Variants in OLAH observed in about 807,000 individuals in gnomAD.
The protein encoded by OLAH is S-acyl fatty acid synthase thioesterase, medium chain.
In OLAH, 33 loss-of-function variants were observed where a neutral mutation model predicts 27.8. The ratio of observed to expected loss-of-function variants is 1.19; its 90% CI spans 0.90 to 1.59. The LOEUF (loss-of-function observed/expected upper bound fraction) is 1.59. Ranked by LOEUF, OLAH falls within the 40% of genes most tolerant of loss-of-function variation. OLAH has a pLI of 0.00. For missense variants in OLAH, 359 were observed against 310.8 expected (o/e 1.16, Z -1.17); for synonymous variants, 120 against 102.9 (o/e 1.17, Z -1.01).
chr10:15,069,295 G>C (rs78441206), intron 6 of OLAH, among the ~76,000 whole-genome samples: 2,537 of 152,244 alleles, frequency 0.017, 66 homozygotes, highest in African/African-American at 0.058. Context: ...TTTTGGTGTA[G>C]AATTGTTTCT....
chr10:15,062,072 C>G, intron 4 of OLAH: 1 of 449,240 alleles, frequency 2.2e-6, no homozygotes, highest in Non-Finnish European at 3.9e-6. Context: ...AAAGTCAACA[C>G]TTGTAAAACC....
chr10:15,072,989 C>T lies in OLAH; in HGVS notation c.656-98C>T, dbSNP rs759438056. 200 of 1,136,614 alleles carry T rather than the reference C, an allele frequency of 1.8e-4. 1 individual carries two copies. Among genetic ancestry groups the T allele is most frequent in the Admixed American group, 3.4e-4 (16 of 47,326 alleles). The allele number at this position is 1,136,614 out of a possible 1,614,324, so 70.4% of individuals were successfully genotyped here. A position where few individuals can be genotyped will look rare whatever the true frequency, so the allele number is the denominator to read the frequency against. On this transcript the variant is annotated intron_variant, in intron 7 of 7. Transcript: ENST00000378228. ...TAGAACATAAGGCCTTGAAAGTAAC[C>T]GTACTTCAGGGTGTCAGCTCTTAAA...
At chr10:15,045,872 A>C (rs1844007302) in intron 1 of OLAH, among the ~76,000 whole-genome samples, 1 of 151,964 alleles carries the variant, frequency 6.6e-6, no homozygotes, top group Non-Finnish European at 1.5e-5. Flanking sequence ...CTCTACTAAA[A>C]ATACAAAAAT....
At chr10:15,070,626 G>T (rs1188306834) in intron 6 of OLAH, among the ~76,000 whole-genome samples, 1 of 151,852 alleles carries the variant, frequency 6.6e-6, no homozygotes, top group Non-Finnish European at 1.5e-5. Flanking sequence ...CTCATTACGG[G>T]CATGCACCAC....
upstream of OLAH, among the ~76,000 whole-genome samples, chr10:15,039,960 G>T (rs868426925): frequency 1.3e-5 from 2 of 152,184 alleles, no homozygotes; most frequent in African/African-American, 4.8e-5. Context: ...GAACCTCACA[G>T]TTCCCACAAA....
chr10:15,056,922 A>C, intron 3 of OLAH: 1 of 1,518,868 alleles, frequency 6.6e-7, no homozygotes. Context: ...GAGCCACCGT[A>C]GGCGTGAGCC....
chr10:15,051,436 C>T (rs1237175714), intron 3 of OLAH, among the ~76,000 whole-genome samples: 1 of 152,220 alleles, frequency 6.6e-6, no homozygotes, highest in Non-Finnish European at 1.5e-5. Flanking sequence ...AGGGATTAGC[C>T]ATCTGATCTA....
intron 1 of OLAH, among the ~76,000 whole-genome samples, chr10:15,032,908 T>C (rs983179022): frequency 2.6e-5 from 4 of 152,122 alleles, no homozygotes; most frequent in Non-Finnish European, 4.4e-5. Context: ...AGTCTTACTT[T>C]GTAGCCCAGG....
intron 1 of OLAH, among the ~76,000 whole-genome samples, chr10:15,032,545 C>T (rs1392361621): frequency 4.0e-5 from 6 of 148,950 alleles, no homozygotes; most frequent in Admixed American, 1.4e-4. Context: ...CACTTGAACC[C>T]GGGAGGCAAA....
At position 15,073,430 on chromosome 10, in the gene OLAH, G is replaced by A; in HGVS notation, c.*201G>A. ...TCTGGCAGCACTTTGGGAGGCCAAGGCGGGCGGATCACGAGGTCAGGAGAT... is the reference window on the plus strand; with the variant it reads ...TCTGGCAGCACTTTGGGAGGCCAAGACGGGCGGATCACGAGGTCAGGAGAT... On this transcript the variant is annotated 3_prime_UTR_variant, in exon 8 of 8. Transcript: ENST00000378228. 4.3e-6 allele frequency: 2 copies of A among 461,764 alleles called. No homozygotes were observed. The highest frequency in any genetic ancestry group is 7.6e-6 in the Non-Finnish European group (2 of 261,572). 28.6% of individuals were successfully genotyped at this position (461,764 alleles called of 1,614,324 possible).
At position 15,064,264 on chromosome 10, in the gene OLAH, C is replaced by G. The variant is rs964230546; in HGVS notation, c.303-139C>G. On this transcript the variant is annotated intron_variant, in intron 4 of 7. Coordinates refer to ENST00000378228, the MANE Select transcript of OLAH (RefSeq NM_001039702.3). Reference sequence around the variant, plus strand: ...TGATTTAAATCACTGAAAAGATAGACTTCTTAATCAACTCACACTTTCCTT... The same window carrying G: ...TGATTTAAATCACTGAAAAGATAGAGTTCTTAATCAACTCACACTTTCCTT... 37 of 610,304 alleles carry G rather than the reference C, an allele frequency of 6.1e-5. No homozygotes were observed. In the Admixed American group the frequency reaches 1.1e-3, roughly 18 times the overall value. 37.8% of individuals were successfully genotyped at this position (610,304 alleles called of 1,614,324 possible). A position where few individuals can be genotyped will look rare whatever the true frequency, so the allele number is the denominator to read the frequency against.
chr10:15,071,935 AT>A (rs945332098), intron 7 of OLAH, 58 bp downstream of exon 7: 20,135 of 1,083,482 alleles, frequency 0.019, 2 homozygotes, highest in East Asian at 0.024. Flanking sequence ...TGGCTTTAAA[AT>A]TTTTTTTTTT....
At chr10:15,069,838 C>G (rs937443920) in intron 6 of OLAH, among the ~76,000 whole-genome samples, 1 of 152,114 alleles carries the variant, frequency 6.6e-6, no homozygotes, top group Non-Finnish European at 1.5e-5. Flanking sequence ...TGCACTCAAG[C>G]CCGGGCAATA....
rs750274893 is a variant in OLAH, at chr10:15,073,188, A to G, written c.757A>G (p.Ile253Val). The G allele has an allele frequency of 6.2e-7, 1 of 1,608,578 alleles. No homozygotes were observed. Among genetic ancestry groups the G allele is most frequent in the Non-Finnish European group, 8.5e-7 (1 of 1,175,172 alleles). The change falls in exon 8 of 8, where the codon ATA (isoleucine) becomes GTA (valine). Residue 253 changes from isoleucine (I) to valine (V), a missense_variant. Transcript: ENST00000378228. ...PANEKLIKNYIIKCLEVSSIS... is the reference protein window; with the variant it reads ...PANEKLIKNYVIKCLEVSSIS... The stretch of plus-strand genomic sequence containing the variant: ...GAACGAGAAATTAATCAAGAACTAC[A>G]TAATCAAGTGTCTAGAAGTATCATC...
chr10:15,054,411 C>A (rs1844206273), intron 3 of OLAH, among the ~76,000 whole-genome samples: 1 of 152,138 alleles, frequency 6.6e-6, no homozygotes, highest in Non-Finnish European at 1.5e-5. Context: ...TGCCTTATGC[C>A]CCTTGGTCAA....
upstream of OLAH, among the ~76,000 whole-genome samples, chr10:15,041,675 A>ACACC (rs1843922759): frequency 6.6e-6 from 1 of 151,560 alleles, no homozygotes. Context: ...TCCTTGGTTC[A>ACACC]AGTGATTCTC....
At position 15,073,384 on chromosome 10, in the gene OLAH, G is replaced by T. The variant is rs1279194255; in HGVS notation, c.*155G>T. 1 of 600,858 alleles carries T rather than the reference G, an allele frequency of 1.7e-6. No individual in the cohort carries two copies. Among genetic ancestry groups the T allele is most frequent in the Non-Finnish European group, 2.8e-6 (1 of 356,040 alleles). The allele number at this position is 600,858 out of a possible 1,614,324, so 37.2% of individuals were successfully genotyped here. A position where few individuals can be genotyped will look rare whatever the true frequency, so the allele number is the denominator to read the frequency against. The stretch of plus-strand genomic sequence containing the variant: ...TATATTTACGTATCTGGGGACAAAG[G>T]TCAAGCCAGTAAAGAATACTTCTGG... On this transcript the variant is annotated 3_prime_UTR_variant, in exon 8 of 8. Transcript: ENST00000378228.
intron 6 of OLAH, among the ~76,000 whole-genome samples, chr10:15,070,016 A>C (rs1844550911): frequency 6.6e-6 from 1 of 152,162 alleles, no homozygotes; most frequent in African/African-American, 2.4e-5. Context: ...ACATTGTGCC[A>C]TCTGACCCTG....
chr10:15,052,292 A>T (rs940979018), intron 3 of OLAH, among the ~76,000 whole-genome samples: 3 of 152,160 alleles, frequency 2.0e-5, no homozygotes, highest in African/African-American at 7.2e-5. Flanking sequence ...AAAAAAAATA[A>T]ATAAAAACAA....
Sources: gnomAD v4.1 joint callset for allele counts (sites outside exome capture counted in the v4.1 genomes callset) on GRCh38, gnomAD v4.1.1 for gene constraint, MANE v1.5 for transcripts, NCBI Gene and HGNC (gene_info 2026-07-23, HGNC 2026-07-21) for gene names.